The following AMBRA1 variants were observed in gnomAD, a reference collection of about 807,000 sequenced individuals.
AMBRA1 encodes autophagy and beclin 1 regulator 1.
Under a neutral mutation model 125.4 loss-of-function variants are expected in AMBRA1, and 47 were observed. That is an observed-to-expected ratio of 0.37 (90% CI 0.30 to 0.48). The LOEUF (loss-of-function observed/expected upper bound fraction) is 0.48, where lower values mean the gene tolerates loss of function less well. Ranked by LOEUF, AMBRA1 falls within the 20% of genes least tolerant of loss-of-function variation. The pLI, the probability that AMBRA1 is intolerant of heterozygous loss-of-function variation, is 0.99. For missense variants in AMBRA1, 1,331 were observed against 1,693.4 expected (o/e 0.79, Z 3.76); for synonymous variants, 626 against 655.5 (o/e 0.95, Z 0.69).
intron 9 of AMBRA1, chr11:46,494,691 C>G (rs1318652231): frequency 2.6e-5 from 4 of 152,464 alleles, no homozygotes; most frequent in African/African-American, 9.7e-5. Context: ...CTGTTTAGGT[C>G]TTCCATGTGG....
intron 12 of AMBRA1, among the ~76,000 whole-genome samples, chr11:46,442,469 C>T (rs1948066644): frequency 6.6e-6 from 1 of 151,998 alleles, no homozygotes; most frequent in South Asian, 2.1e-4. Flanking sequence ...ACAAATCTAG[C>T]AGTGATGGTC....
intron 12 of AMBRA1, among the ~76,000 whole-genome samples, chr11:46,439,972 T>C (rs1590811927): frequency 6.6e-6 from 1 of 151,948 alleles, no homozygotes; most frequent in East Asian, 1.9e-4. Flanking sequence ...GTACATTCTA[T>C]CAGCAAGAGT....
At position 46,543,349 on chromosome 11, in the gene AMBRA1, T is replaced by G. The variant is rs1591076213; in HGVS notation, c.668A>C (p.Tyr223Ser). 6.2e-7 allele frequency: 1 copy of G among 1,613,866 alleles called. No individual in the cohort carries two copies. Among genetic ancestry groups the G allele is most frequent in the Admixed American group, 1.7e-5 (1 of 59,992 alleles). ...IPIDGTELSH[Y>S]RQRALLQSQP... is the part of the protein sequence containing the mutation. ...TGATTGCAGGAGGGCACGCTGACGG[T>G]AGTGGGATAATTCTGTTCCATCTAT... is the stretch of plus-strand genomic sequence containing the variant. The change falls in exon 7 of 18, where the codon TAC becomes TCC. Residue 223 changes from tyrosine (Y) to serine (S), a missense_variant. By Grantham distance (144) the Tyr-to-Ser change is moderately radical (BLOSUM62 -2). This residue lies in a region of AMBRA1 where 689 missense variants were observed against 776.5 expected (regional missense o/e 0.89). Transcript: ENST00000683756.
At chr11:46,529,873 G>T (rs1276426340) in intron 7 of AMBRA1, among the ~76,000 whole-genome samples, 1 of 152,126 alleles carries the variant, frequency 6.6e-6, no homozygotes, top group African/African-American at 2.4e-5. Context: ...ACACAAACAT[G>T]TTGTCAGGAA....
intron 11 of AMBRA1, among the ~76,000 whole-genome samples, chr11:46,461,872 C>T (rs1949103015): frequency 6.6e-6 from 1 of 152,200 alleles, no homozygotes. Context: ...CAAACACATG[C>T]CCAGGCCCAA....
chr11:46,460,871 G>A (rs555425419), intron 11 of AMBRA1, among the ~76,000 whole-genome samples: 64 of 152,194 alleles, frequency 4.2e-4, no homozygotes, highest in Admixed American at 7.2e-4. Flanking sequence ...AAGATCACTG[G>A]AGGCCAGGAA....
At chr11:46,495,141 T>C (rs1950588601) in intron 9 of AMBRA1, 1 of 152,254 alleles carries the variant, frequency 6.6e-6, no homozygotes, top group South Asian at 2.1e-4. Flanking sequence ...CATGTTTTAG[T>C]TTCCAGTACA....
At chr11:46,433,937 GA>G (rs1947580851) in intron 13 of AMBRA1, among the ~76,000 whole-genome samples, 2 of 151,972 alleles carry the variant, frequency 1.3e-5, no homozygotes, top group Non-Finnish European at 2.9e-5. Context: ...CCAACATGGA[GA>G]AACCCCATCT....
intron 11 of AMBRA1, among the ~76,000 whole-genome samples, chr11:46,485,769 G>C (rs1391946405): frequency 6.6e-6 from 1 of 152,116 alleles, no homozygotes. Flanking sequence ...CATATAAAAG[G>C]AACAGAAAAG....
chr11:46,514,093 C>T (rs538233393), intron 7 of AMBRA1, among the ~76,000 whole-genome samples: 1 of 152,284 alleles, frequency 6.6e-6, no homozygotes, highest in East Asian at 1.9e-4. Context: ...TCTTGCCTGC[C>T]TTTCCTAGGA....
Position 46,547,893 on chromosome 11 carries a change from A to C in AMBRA1, c.136-18T>G. On this transcript the variant is annotated intron_variant, in intron 2 of 17. Transcript: ENST00000683756. ...TCTACTCTCTGGGAGACAAAAAAAA[A>C]AAAAAAGTTAAAATACATGATTTGT... The C allele has an allele frequency of 6.3e-7, 1 of 1,595,864 alleles. No individual in the cohort carries two copies. Among genetic ancestry groups the C allele is most frequent in the Non-Finnish European group, 8.5e-7 (1 of 1,172,948 alleles).
chr11:46,418,298 T>C (rs1946654204), intron 14 of AMBRA1, among the ~76,000 whole-genome samples: 1 of 140,956 alleles, frequency 7.1e-6, no homozygotes, highest in South Asian at 2.1e-4. Context: ...TATATAAATA[T>C]ATAATATATA....
At chr11:46,433,655 T>C in intron 13 of AMBRA1, 27 bp from the exon 14 acceptor site, 1 of 1,604,328 alleles carries the variant, frequency 6.2e-7, no homozygotes, top group South Asian at 1.1e-5. Flanking sequence ...CAGAGAAATA[T>C]TTCCTAGGCT....
chr11:46,458,500 A>G (rs181502181), intron 11 of AMBRA1, among the ~76,000 whole-genome samples: 1 of 152,358 alleles, frequency 6.6e-6, no homozygotes, highest in Admixed American at 6.5e-5. Flanking sequence ...ACACTGAGCC[A>G]TCGATTTTCC....
At chr11:46,493,954 TTGAATGTGGCTAACCA>T in intron 10 of AMBRA1, 154 bp downstream of exon 10, 4 of 692,478 alleles carry the variant, frequency 5.8e-6, no homozygotes, top group Non-Finnish European at 9.5e-6. Flanking sequence ...TTCATCTCTT[TTGAATGTGGCTAACCA>T]TCATCCGTCA....
intron 1 of AMBRA1, among the ~76,000 whole-genome samples, chr11:46,566,801 T>C (rs966784197): frequency 3.9e-5 from 6 of 152,186 alleles, no homozygotes; most frequent in Non-Finnish European, 8.8e-5. Context: ...ACAAGCTAAC[T>C]TTGGGAGAAA....
intron 1 of AMBRA1, among the ~76,000 whole-genome samples, chr11:46,568,803 C>CT (rs774631588): frequency 0.048 from 4,643 of 96,420 alleles, 332 homozygotes; most frequent in African/African-American, 0.13. Flanking sequence ...TCAACCCTAC[C>CT]TTTTTTTTTT....
intron 7 of AMBRA1, among the ~76,000 whole-genome samples, chr11:46,536,721 G>A (rs1386898628): frequency 1.3e-5 from 2 of 152,214 alleles, no homozygotes; most frequent in Non-Finnish European, 2.9e-5. Flanking sequence ...GATCAAATAA[G>A]TGTGGTGGCC....
chr11:46,460,240 A>G (rs562716868), intron 11 of AMBRA1, among the ~76,000 whole-genome samples: 16 of 152,314 alleles, frequency 1.1e-4, no homozygotes, highest in Admixed American at 4.6e-4. Flanking sequence ...CAATCAAACT[A>G]TATCAACATG....
Sources: allele counts gnomAD v4.1 joint callset (sites outside exome capture counted in the v4.1 genomes callset), GRCh38; gene constraint gnomAD v4.1.1; regional missense constraint gnomAD v4.1.1; transcripts MANE v1.5; gene names NCBI Gene and HGNC (gene_info 2026-07-23, HGNC 2026-07-21).